Variants in LINGO2 observed in about 807,000 individuals in gnomAD.
The protein encoded by LINGO2 is leucine rich repeat and Ig domain containing 2.
A neutral mutation model predicts 30.6 loss-of-function variants in LINGO2; 14 were observed. The observed-to-expected ratio is 0.46, with a 90% CI of 0.30 to 0.72. The LOEUF (loss-of-function observed/expected upper bound fraction) is 0.72, where lower values mean the gene tolerates loss of function less well. LINGO2 is among the 30% of genes least tolerant of loss of function. The probability of loss-of-function intolerance (pLI) is 0.07; values close to 1 mark genes in which losing one functional copy is unlikely to be tolerated. For synonymous variants in LINGO2, 317 were observed against 288.5 expected, an observed-to-expected ratio of 1.10 and a Z score of -1.00; for missense variants, 729 against 751.7, an observed-to-expected ratio of 0.97 and a Z score of 0.35.
At chr9:28,833,425 A>G in the LINGO2 span, among the ~76,000 whole-genome samples, 1 of 152,176 alleles carries the variant, frequency 6.6e-6, no homozygotes, top group African/African-American at 2.4e-5. Context: ...TTTGCTACCC[A>G]TTCAAGGCTA....
the LINGO2 span, among the ~76,000 whole-genome samples, chr9:28,950,790 G>A: frequency 7.0e-3 from 1,072 of 152,238 alleles, 22 homozygotes; most frequent in African/African-American, 0.024. Context: ...TGGATAGGAA[G>A]AATCAATATG....
rs116168166 is a variant in LINGO2, at chr9:28,158,837, G to A, written c.-87+136371C>T. On this transcript the variant is annotated intron_variant, in intron 4 of 5. Transcript: ENST00000379992. Reference sequence around the variant, plus strand: ...ATACAGCTGAAAAACTATCCTTCACGAAGTATGTACCAAGGAGGAATTCGT... The same window carrying A: ...ATACAGCTGAAAAACTATCCTTCACAAAGTATGTACCAAGGAGGAATTCGT... Among the ~76,000 whole-genome samples, 1,032 of 152,272 alleles carry A rather than the reference G, an allele frequency of 6.8e-3. 10 individuals carry two copies. Among genetic ancestry groups the A allele is most frequent in the African/African-American group, 0.023 (965 of 41,554 alleles).
At chr9:28,080,846 AG>A (rs760810359) in intron 4 of LINGO2, 1 of 152,222 alleles carries the variant, frequency 6.6e-6, no homozygotes, top group Non-Finnish European at 1.5e-5. Context: ...AATGACTGAT[AG>A]CAGATACTTT....
chr9:28,757,570 A>G, the LINGO2 span, among the ~76,000 whole-genome samples: 1 of 151,452 alleles, frequency 6.6e-6, no homozygotes, highest in Non-Finnish European at 1.5e-5. Flanking sequence ...AAATATATAT[A>G]GTTTGTGTTC....
At chr9:28,536,650 A>G (rs2135446139) in intron 1 of LINGO2, among the ~76,000 whole-genome samples, 1 of 152,250 alleles carries the variant, frequency 6.6e-6, no homozygotes, top group African/African-American at 2.4e-5. Context: ...TCTGAGAAAA[A>G]TTGTGATAAA....
chr9:28,947,398 T>C, the LINGO2 span, among the ~76,000 whole-genome samples: 1 of 152,036 alleles, frequency 6.6e-6, no homozygotes, highest in Middle Eastern at 3.2e-3. Flanking sequence ...TTGGATGAGG[T>C]TTTAATTTCT....
intron 2 of LINGO2, among the ~76,000 whole-genome samples, chr9:28,408,781 A>C (rs1358169505): frequency 2.6e-5 from 2 of 77,138 alleles, no homozygotes; most frequent in South Asian, 3.8e-4. Context: ...AAACAAAAAA[A>C]AAAAAACAAA....
chr9:28,284,334 T>C (rs1175670248), intron 4 of LINGO2, among the ~76,000 whole-genome samples: 1 of 152,182 alleles, frequency 6.6e-6, no homozygotes, highest in Non-Finnish European at 1.5e-5. Context: ...ATTAGATTGA[T>C]CTTGTGATGT....
intron 5 of LINGO2, among the ~76,000 whole-genome samples, chr9:27,996,140 G>T (rs936964997): frequency 6.6e-6 from 1 of 152,038 alleles, no homozygotes; most frequent in Non-Finnish European, 1.5e-5. Context: ...GAAAATAACA[G>T]ATACTGGTAA....
chr9:28,486,388 ATAC>A (rs1377063646), intron 1 of LINGO2, among the ~76,000 whole-genome samples: 1 of 152,144 alleles, frequency 6.6e-6, no homozygotes, highest in Non-Finnish European at 1.5e-5. Context: ...TGCTAAGTAA[ATAC>A]TAAGTAATTG....
chr9:28,304,424 A>T (rs1824265813), intron 3 of LINGO2, among the ~76,000 whole-genome samples: 1 of 151,852 alleles, frequency 6.6e-6, no homozygotes, highest in African/African-American at 2.4e-5. Flanking sequence ...ACAGAGAGTG[A>T]AACATAAGAT....
the LINGO2 span, among the ~76,000 whole-genome samples, chr9:28,824,877 T>C: frequency 6.6e-6 from 1 of 152,198 alleles, no homozygotes; most frequent in Non-Finnish European, 1.5e-5. Flanking sequence ...GACTAACTTG[T>C]AGTATGACCT....
At chr9:28,830,003 G>GA in the LINGO2 span, among the ~76,000 whole-genome samples, 1 of 152,160 alleles carries the variant, frequency 6.6e-6, no homozygotes, top group Non-Finnish European at 1.5e-5. Flanking sequence ...CAAATTTACT[G>GA]AAATACTATC....
chr9:29,187,697 AAATT>A, the LINGO2 span, among the ~76,000 whole-genome samples: 3 of 152,130 alleles, frequency 2.0e-5, no homozygotes, highest in Admixed American at 2.0e-4. Flanking sequence ...ACATATATAA[AAATT>A]AATCCTATCT....
chr9:28,868,636 G>A, the LINGO2 span, among the ~76,000 whole-genome samples: 2 of 152,096 alleles, frequency 1.3e-5, no homozygotes, highest in Non-Finnish European at 2.9e-5. Context: ...GAAAGGGAAT[G>A]AGAGAACAGA....
At chr9:28,836,228 G>A in the LINGO2 span, among the ~76,000 whole-genome samples, 1 of 152,184 alleles carries the variant, frequency 6.6e-6, no homozygotes, top group Non-Finnish European at 1.5e-5. Context: ...CAGGAGCACA[G>A]GAGTCAAGCT....
chr9:28,212,261 A>C (rs919713095), intron 4 of LINGO2, among the ~76,000 whole-genome samples: 2 of 151,512 alleles, frequency 1.3e-5, no homozygotes, highest in Non-Finnish European at 3.0e-5. Flanking sequence ...GTTGAGTAAT[A>C]AGTACATTAT....
intron 5 of LINGO2, among the ~76,000 whole-genome samples, chr9:27,973,748 A>G (rs1227347598): frequency 6.6e-6 from 1 of 152,140 alleles, no homozygotes; most frequent in Non-Finnish European, 1.5e-5. Context: ...AGATTCTAGT[A>G]TTGCCATTGC....
chr9:28,818,938 A>G, the LINGO2 span, among the ~76,000 whole-genome samples: 1 of 152,228 alleles, frequency 6.6e-6, no homozygotes, highest in African/African-American at 2.4e-5. Flanking sequence ...AACCAATCAC[A>G]TTAAATCTTT....
Sources: allele counts gnomAD v4.1 joint callset (sites outside exome capture counted in the v4.1 genomes callset), GRCh38; gene constraint gnomAD v4.1.1; transcripts MANE v1.5; gene names NCBI Gene and HGNC (gene_info 2026-07-23, HGNC 2026-07-21).